Variants in DGKI observed in about 807,000 individuals in gnomAD.
DGKI encodes DAG kinase iota.
A neutral mutation model predicts 147.5 loss-of-function variants in DGKI; 55 were observed. That is an observed-to-expected ratio of 0.37 (90% CI 0.30 to 0.47). The LOEUF is 0.47. Among genes scored for constraint, DGKI ranks in the 20% least tolerant of loss-of-function variants. The pLI, the probability that DGKI is intolerant of heterozygous loss-of-function variation, is 1.00. For synonymous variants in DGKI, 469 were observed against 477.1 expected (o/e 0.98, Z 0.22); for missense variants, 1,007 against 1,323.8 (o/e 0.76, Z 3.71).
At chr7:137,706,283 T>C (rs935069729) in intron 1 of DGKI, among the ~76,000 whole-genome samples, 1 of 151,798 alleles carries the variant, frequency 6.6e-6, no homozygotes, top group African/African-American at 2.4e-5. Context: ...TTCTGTAACT[T>C]TTGATGTATT....
chr7:137,584,799 G>A (rs997077239), intron 14 of DGKI, among the ~76,000 whole-genome samples: 3 of 152,142 alleles, frequency 2.0e-5, no homozygotes, highest in Non-Finnish European at 2.9e-5. Flanking sequence ...CCTCTTCAAC[G>A]TAAGATATAT....
intron 1 of DGKI, among the ~76,000 whole-genome samples, chr7:137,752,705 C>T (rs936750683): frequency 1.3e-5 from 2 of 152,146 alleles, no homozygotes; most frequent in Non-Finnish European, 2.9e-5. Context: ...CAATCGATCA[C>T]GACCCTCTCA....
chr7:137,609,187 A>G (rs1223868253), intron 9 of DGKI, 123 bp from the exon 10 acceptor site: 1 of 671,922 alleles, frequency 1.5e-6, no homozygotes, highest in African/African-American at 2.1e-5. Flanking sequence ...TCTTAACACG[A>G]CTTCCATGTA....
At chr7:137,409,886 GTC>G (rs150607069) in intron 29 of DGKI, among the ~76,000 whole-genome samples, 92 of 148,854 alleles carry the variant, frequency 6.2e-4, no homozygotes, top group East Asian at 1.6e-3. Flanking sequence ...CGCTCTCTTT[GTC>G]TCTCTCTCTC....
At chr7:137,417,473 G>A (rs1812402106) in intron 28 of DGKI, among the ~76,000 whole-genome samples, 1 of 152,174 alleles carries the variant, frequency 6.6e-6, no homozygotes, top group Admixed American at 6.5e-5. Context: ...GAGAAGTCAA[G>A]ACTTCCAGGA....
At chr7:137,445,714 T>G (rs1365791185) in intron 27 of DGKI, among the ~76,000 whole-genome samples, 2 of 152,176 alleles carry the variant, frequency 1.3e-5, no homozygotes, top group Non-Finnish European at 2.9e-5. Flanking sequence ...AAAACCATCC[T>G]TAAGACAAGC....
chr7:137,545,787 G>T, intron 20 of DGKI: 1 of 528,742 alleles, frequency 1.9e-6, no homozygotes, highest in South Asian at 2.9e-5. Flanking sequence ...ATTCTGGTGA[G>T]GTGGCTTCCT....
rs71177914 is a variant in DGKI, at chr7:137,596,001, C to CAAAAAA, written c.1311+1840_1311+1845dup. On this transcript the variant is annotated intron_variant, in intron 12 of 32. Transcript: ENST00000614521. ...TGGGCAACAGAGTGAGACTCCGTCT[C>CAAAAAA]AAAAAAAAAAAAAAAAAAAAAAAAA... Among the ~76,000 whole-genome samples, 211 of 44,424 alleles carry CAAAAAA rather than the reference C, an allele frequency of 4.7e-3. 4 individuals carry two copies. Among genetic ancestry groups the CAAAAAA allele is most frequent in the Non-Finnish European group, 5.0e-3 (131 of 25,994 alleles). The allele number at this position is 44,424 out of a possible 152,430, so 29.1% of individuals were successfully genotyped here. A position where few individuals can be genotyped will look rare whatever the true frequency, so the allele number is the denominator to read the frequency against.
intron 19 of DGKI, among the ~76,000 whole-genome samples, chr7:137,570,770 A>T (rs1382286603): frequency 2.6e-5 from 4 of 152,100 alleles, no homozygotes; most frequent in Non-Finnish European, 1.5e-5. Context: ...TTGTAGTTTT[A>T]GTAGAGGCAG....
chr7:137,405,105 T>C (rs1811892883), intron 30 of DGKI, among the ~76,000 whole-genome samples: 1 of 152,074 alleles, frequency 6.6e-6, no homozygotes, highest in African/African-American at 2.4e-5. Flanking sequence ...GGACTCATCA[T>C]TCATGTCCCT....
chr7:137,703,607 C>G (rs371037297), intron 1 of DGKI, among the ~76,000 whole-genome samples: 1 of 152,136 alleles, frequency 6.6e-6, no homozygotes, highest in Non-Finnish European at 1.5e-5. Context: ...AAGTATCTGT[C>G]CAATAATTAG....
At chr7:137,789,315 T>A (rs891698042) in intron 1 of DGKI, among the ~76,000 whole-genome samples, 1 of 151,850 alleles carries the variant, frequency 6.6e-6, no homozygotes, top group African/African-American at 2.4e-5. Context: ...TTAAAAAAAA[T>A]AAAATAAAAA....
rs201189936 is a variant in DGKI, at chr7:137,488,805, C to T, written c.2249-1116G>A. 1.2e-4 allele frequency among the ~76,000 whole-genome samples: 19 copies of T among 152,150 alleles called. 1 individual carries two copies. The East Asian group carries it at 2.7e-3, about 22-fold the overall frequency. Reference sequence around the variant, plus strand: ...CATAAAAAACCTTGAAGAATCTCCACGTAGTAGAGAAGGCATATATATAAA... The same window carrying T: ...CATAAAAAACCTTGAAGAATCTCCATGTAGTAGAGAAGGCATATATATAAA... On this transcript the variant is annotated intron_variant, in intron 21 of 32. Coordinates refer to ENST00000614521, the MANE Select transcript of DGKI (RefSeq NM_001321708.2).
At chr7:137,689,858 C>T in intron 2 of DGKI, 36 bp downstream of exon 2, 1 of 1,356,010 alleles carries the variant, frequency 7.4e-7, no homozygotes, top group Non-Finnish European at 1.0e-6. Flanking sequence ...AAAACATGCA[C>T]TGAAGTGATG....
intron 1 of DGKI, among the ~76,000 whole-genome samples, chr7:137,691,804 T>TTTTTTTTTTTTG (rs1823617652): frequency 2.5e-5 from 3 of 121,180 alleles, no homozygotes; most frequent in Admixed American, 7.5e-5. Context: ...TTGGGTTTTT[T>TTTTTTTTTTTTG]TTTTTTTTTT....
Position 137,588,026 on chromosome 7 carries a change from T to G in DGKI, c.1312-816A>C, listed in dbSNP as rs148898730. 1.5e-3 allele frequency among the ~76,000 whole-genome samples: 231 copies of G among 152,318 alleles called. 2 individuals are homozygous for G. The highest frequency in any genetic ancestry group is 5.3e-3 in the African/African-American group (222 of 41,582). On this transcript the variant is annotated intron_variant, in intron 12 of 32. Coordinates refer to ENST00000614521, the MANE Select transcript of DGKI (RefSeq NM_001321708.2). ...ATGTCCTTATAATGTCATACTAAAA[T>G]AGTGTTTCGCAGGCCTAAGAATTGT...
intron 1 of DGKI, among the ~76,000 whole-genome samples, chr7:137,761,377 C>T (rs759025602): frequency 1.4e-4 from 21 of 152,200 alleles, no homozygotes; most frequent in Non-Finnish European, 2.9e-4. Flanking sequence ...CTTTCTGCTG[C>T]CTCAGTTTCC....
intron 1 of DGKI, among the ~76,000 whole-genome samples, chr7:137,723,235 G>A (rs887829979): frequency 4.6e-5 from 7 of 152,138 alleles, no homozygotes; most frequent in Admixed American, 2.6e-4. Flanking sequence ...GGGTCTAAAG[G>A]GTAGCTGAAG....
intron 23 of DGKI, among the ~76,000 whole-genome samples, chr7:137,484,549 A>T (rs972727262): frequency 2.6e-5 from 4 of 152,226 alleles, no homozygotes; most frequent in Middle Eastern, 3.4e-3. Context: ...TAATGAGACC[A>T]GTCAAAGAGC....
Sources: gnomAD v4.1 joint callset for allele counts (sites outside exome capture counted in the v4.1 genomes callset) on GRCh38, gnomAD v4.1.1 for gene constraint, MANE v1.5 for transcripts, NCBI Gene and HGNC (gene_info 2026-07-23, HGNC 2026-07-21) for gene names.